Variants in LEF1 observed in about 807,000 individuals in gnomAD.
LEF1 encodes the protein lymphoid enhancer-binding factor 1.
Under a neutral mutation model 51.2 loss-of-function variants are expected in LEF1, and 14 were observed. That is an observed-to-expected ratio of 0.27 (90% CI 0.18 to 0.43). LEF1 has a LOEUF of 0.43. LEF1 is among the 20% of genes least tolerant of loss of function. LEF1 has a pLI of 1.00. For missense variants in LEF1, 386 were observed against 512.0 expected (o/e 0.75, Z 2.37); for synonymous variants, 185 against 183.2 (o/e 1.01, Z -0.08).
chr4:108,086,144 G>A (rs1219244756), intron 4 of LEF1, among the ~76,000 whole-genome samples: 1 of 152,208 alleles, frequency 6.6e-6, no homozygotes, highest in Non-Finnish European at 1.5e-5. Context: ...ATAGGTCACT[G>A]TCCTTTAAAA....
At chr4:108,098,770 G>A (rs1740554361) in intron 3 of LEF1, among the ~76,000 whole-genome samples, 1 of 152,136 alleles carries the variant, frequency 6.6e-6, no homozygotes, top group African/African-American at 2.4e-5. Context: ...AACTTCTGAA[G>A]TGCCTTTCAG....
chr4:108,073,404 G>A (rs1738626369), intron 8 of LEF1, among the ~76,000 whole-genome samples: 1 of 151,970 alleles, frequency 6.6e-6, no homozygotes, highest in South Asian at 2.1e-4. Context: ...AAAGAAAACT[G>A]ATATTTACAC....
intron 5 of LEF1, among the ~76,000 whole-genome samples, chr4:108,082,176 A>G (rs1739350673): frequency 6.6e-6 from 1 of 152,196 alleles, no homozygotes; most frequent in Non-Finnish European, 1.5e-5. Context: ...AAGAAATAAA[A>G]GATTAATTCA....
In LEF1 at chr4:108,088,293, T is replaced by C. The variant is rs115677209; in HGVS notation, c.547+832A>G. On this transcript the variant is annotated intron_variant, in intron 4 of 11. Transcript: ENST00000265165. ...GTAAAATGTAGGCAGTGGCAAATTTTACCCCTTTACGTTCTCTGCCTTCAC... is the reference window on the plus strand; with the variant it reads ...GTAAAATGTAGGCAGTGGCAAATTTCACCCCTTTACGTTCTCTGCCTTCAC... 1.1e-3 allele frequency among the ~76,000 whole-genome samples: 164 copies of C among 152,330 alleles called. 1 individual carries two copies. In the East Asian group the frequency reaches 0.024, roughly 22 times the overall value.
chr4:108,062,884 G>T (rs1422984323), intron 11 of LEF1, among the ~76,000 whole-genome samples: 1 of 152,080 alleles, frequency 6.6e-6, no homozygotes, highest in Non-Finnish European at 1.5e-5. Flanking sequence ...CAGGAGAAGA[G>T]GTACACACCC....
At chr4:108,127,093 A>G (rs1742592835) in intron 3 of LEF1, among the ~76,000 whole-genome samples, 2 of 152,290 alleles carry the variant, frequency 1.3e-5, no homozygotes, top group Admixed American at 6.5e-5. Flanking sequence ...CAGGAGACAT[A>G]GGAGCTGGAA....
At chr4:108,062,876 G>A (rs1737790905) in intron 11 of LEF1, among the ~76,000 whole-genome samples, 1 of 152,078 alleles carries the variant, frequency 6.6e-6, no homozygotes, top group African/African-American at 2.4e-5. Context: ...ACTGTTACCA[G>A]GAGAAGAGGT....
intron 3 of LEF1, among the ~76,000 whole-genome samples, chr4:108,099,568 GTGTATATATATATA>G (rs1418717382): frequency 1.2e-4 from 6 of 48,178 alleles, no homozygotes; most frequent in African/African-American, 2.2e-4. Context: ...GTGTGTGTGT[GTGTATATATATATA>G]TATATATATA....
At chr4:108,156,590 C>G (rs1273360303) in intron 3 of LEF1, among the ~76,000 whole-genome samples, 1 of 152,174 alleles carries the variant, frequency 6.6e-6, no homozygotes, top group African/African-American at 2.4e-5. Context: ...CTGACTGTAA[C>G]TAACATAATT....
At chr4:108,122,123 A>C (rs1209410837) in intron 3 of LEF1, among the ~76,000 whole-genome samples, 4 of 152,096 alleles carry the variant, frequency 2.6e-5, no homozygotes, top group African/African-American at 9.7e-5. Context: ...TGGTTGTTCA[A>C]ATCTTTTATA....
chr4:108,078,474 G>A, intron 7 of LEF1, 92 bp from the exon 8 acceptor site: 1 of 1,519,520 alleles, frequency 6.6e-7, no homozygotes, highest in Non-Finnish European at 9.1e-7. Flanking sequence ...TGCTCACATG[G>A]CTACACTCAG....
chr4:108,096,299 C>G (rs1472962841), intron 3 of LEF1, among the ~76,000 whole-genome samples: 1 of 152,146 alleles, frequency 6.6e-6, no homozygotes, highest in Admixed American at 6.6e-5. Flanking sequence ...GCAGTAGCAG[C>G]TGCCTGCCTG....
Position 108,048,143 on chromosome 4 carries a change from CAAG to C in LEF1, c.*612_*614del, listed in dbSNP as rs1331645509. The C allele has an allele frequency of 1.3e-5, 2 of 148,492 alleles. No homozygotes were observed. Among genetic ancestry groups the C allele is most frequent in the Non-Finnish European group, 3.0e-5 (2 of 66,854 alleles). The allele number at this position is 148,492 out of a possible 1,614,324, so 9.2% of individuals were successfully genotyped here. A position where few individuals can be genotyped will look rare whatever the true frequency, so the allele number is the denominator to read the frequency against. On this transcript the variant is annotated 3_prime_UTR_variant, in exon 12 of 12. Coordinates refer to ENST00000265165, the MANE Select transcript of LEF1 (RefSeq NM_016269.5). ...AAAAGCTCATAGCTAGCAAAATATA[CAAG>C]AAAATTAAAACTAAAAAGTGTAAAT...
chr4:108,083,261 A>G (rs1236796182), intron 5 of LEF1, 95 bp downstream of exon 5: 1 of 867,538 alleles, frequency 1.2e-6, no homozygotes, highest in East Asian at 2.4e-5. Context: ...CTTCAACTCC[A>G]CAAGTGTTAC....
At chr4:108,110,270 A>G (rs554511316) in intron 3 of LEF1, among the ~76,000 whole-genome samples, 18 of 152,320 alleles carry the variant, frequency 1.2e-4, no homozygotes, top group African/African-American at 4.1e-4. Context: ...CTTATAGAGC[A>G]TGTTTTCACT....
chr4:108,075,806 CA>C (rs1225119630), intron 8 of LEF1, among the ~76,000 whole-genome samples: 1 of 152,116 alleles, frequency 6.6e-6, no homozygotes, highest in African/African-American at 2.4e-5. Flanking sequence ...AATATCATAG[CA>C]TTGGTGAAAG....
At chr4:108,066,677 A>T (rs1738102374) in intron 9 of LEF1, among the ~76,000 whole-genome samples, 1 of 152,250 alleles carries the variant, frequency 6.6e-6, no homozygotes, top group Admixed American at 6.5e-5. Flanking sequence ...ATGATAGGCA[A>T]AGAGAACTAA....
intron 3 of LEF1, among the ~76,000 whole-genome samples, chr4:108,113,661 C>T (rs761667606): frequency 2.6e-5 from 4 of 152,172 alleles, no homozygotes; most frequent in Non-Finnish European, 5.9e-5. Context: ...ACCTCCCTGG[C>T]ACTCCTTCAA....
chr4:108,080,157 TAAGGAGA>T (rs1319068977), intron 6 of LEF1, among the ~76,000 whole-genome samples: 1 of 152,048 alleles, frequency 6.6e-6, no homozygotes, highest in African/African-American at 2.4e-5. Flanking sequence ...GTAACAGAAA[TAAGGAGA>T]AGAATTTAAA....
Sources: allele counts gnomAD v4.1 joint callset (sites outside exome capture counted in the v4.1 genomes callset), GRCh38; gene constraint gnomAD v4.1.1; transcripts MANE v1.5; gene names NCBI Gene and HGNC (gene_info 2026-07-23, HGNC 2026-07-21).